Variants in PGM1 observed in about 807,000 individuals in gnomAD.
PGM1 encodes phosphoglucomutase-1.
In PGM1, 52 loss-of-function variants were observed where a neutral mutation model predicts 55.6. The observed-to-expected ratio is 0.94, with a 90% CI of 0.75 to 1.18. The LOEUF (loss-of-function observed/expected upper bound fraction) is 1.18, where lower values mean the gene tolerates loss of function less well. Among genes scored for constraint, PGM1 ranks in the 50% most tolerant of loss-of-function variants. The probability of loss-of-function intolerance (pLI) is 0.00; values close to 1 mark genes in which losing one functional copy is unlikely to be tolerated. For missense variants in PGM1, 724 were observed against 729.3 expected (o/e 0.99, Z 0.08); for synonymous variants, 287 against 271.7 (o/e 1.06, Z -0.55).
At chr1:63,617,657 C>A (rs926507591) in intron 1 of PGM1, among the ~76,000 whole-genome samples, 1 of 144,064 alleles carries the variant, frequency 6.9e-6, no homozygotes, top group Non-Finnish European at 1.5e-5. Flanking sequence ...ATTGCTTGAA[C>A]CTGGAAGGCA....
intron 1 of PGM1, among the ~76,000 whole-genome samples, chr1:63,618,326 C>A (rs1648797093): frequency 6.6e-6 from 1 of 152,180 alleles, no homozygotes; most frequent in African/African-American, 2.4e-5. Flanking sequence ...TCCAAGTTTT[C>A]TGGAATGTTC....
intron 1 of PGM1, among the ~76,000 whole-genome samples, chr1:63,609,101 A>G (rs1260837289): frequency 2.0e-5 from 3 of 152,166 alleles, no homozygotes; most frequent in East Asian, 3.9e-4. Context: ...TGGCTGTCCT[A>G]TCCTGCCTCT....
intron 9 of PGM1, 27 bp from the exon 10 acceptor site, chr1:63,654,304 GA>G (rs759432372): frequency 4.3e-6 from 7 of 1,612,696 alleles, no homozygotes; most frequent in South Asian, 2.2e-5. Flanking sequence ...AGCATTTGGG[GA>G]AAAAAATCTC....
At chr1:63,638,566 T>C (rs1570503366) in intron 6 of PGM1, 119 bp from the exon 7 acceptor site, 1 of 769,960 alleles carries the variant, frequency 1.3e-6, no homozygotes, top group South Asian at 1.4e-5. Context: ...GAATTATGTA[T>C]GACTCTGAGC....
chr1:63,637,378 G>A (rs76041890), intron 6 of PGM1, among the ~76,000 whole-genome samples: 14,558 of 152,252 alleles, frequency 0.096, 767 homozygotes, highest in African/African-American at 0.14. Context: ...TGAACCCAGA[G>A]CCTTTGCTCC....
intron 1 of PGM1, among the ~76,000 whole-genome samples, chr1:63,621,906 C>T (rs560524086): frequency 2.0e-5 from 3 of 152,228 alleles, no homozygotes; most frequent in Non-Finnish European, 2.9e-5. Flanking sequence ...CGGAACACAG[C>T]GGCATTCTTG....
Position 63,648,510 on chromosome 1 carries a change from C to T in PGM1, c.1145-7C>T, listed in dbSNP as rs72922609. The T allele has an allele frequency of 5.0e-6, 8 of 1,613,920 alleles. No homozygotes were observed. Among genetic ancestry groups the T allele is most frequent in the Middle Eastern group, 1.6e-4 (1 of 6,082 alleles). ...TTTCTTACAGCAGCTTGCTGTCCCC[C>T]CTCCAGGTTCTGACCACATCCGTGA... is the stretch of plus-strand genomic sequence containing the variant. On this transcript the variant is annotated splice_polypyrimidine_tract_variant and splice_region_variant and intron_variant, in intron 7 of 10. Transcript: ENST00000371084.
At chr1:63,632,395 G>A (rs996416499) in intron 4 of PGM1, among the ~76,000 whole-genome samples, 20 of 152,156 alleles carry the variant, frequency 1.3e-4, no homozygotes, top group Admixed American at 7.9e-4. Context: ...CTGCCTGGTT[G>A]GAGAAGCCTT....
intron 10 of PGM1, 61 bp downstream of exon 10, chr1:63,654,527 T>C (rs761024006): frequency 5.0e-5 from 78 of 1,575,128 alleles, no homozygotes; most frequent in Middle Eastern, 1.8e-4. Context: ...TAGTTTCCCA[T>C]TGAGCCTGTG....
chr1:63,614,226 G>A (rs753745737), intron 1 of PGM1, among the ~76,000 whole-genome samples: 23 of 152,206 alleles, frequency 1.5e-4, no homozygotes, highest in Non-Finnish European at 2.4e-4. Flanking sequence ...TAAGTGATTC[G>A]CCCAAGATCT....
chr1:63,634,639 C>A (rs1430663235), intron 4 of PGM1, among the ~76,000 whole-genome samples, 190 bp from the exon 5 acceptor site: 1 of 152,274 alleles, frequency 6.6e-6, no homozygotes, highest in South Asian at 2.1e-4. Context: ...TCTCATTGTT[C>A]CTTTTTAGAG....
At chr1:63,639,477 C>G (rs1649457276) in intron 7 of PGM1, among the ~76,000 whole-genome samples, 1 of 151,872 alleles carries the variant, frequency 6.6e-6, no homozygotes. Flanking sequence ...GACCCGAACT[C>G]CCACCTCCTT....
Position 63,622,393 on chromosome 1 carries a change from G to T in PGM1, c.247-7032G>T, listed in dbSNP as rs148138096. ...TCAGGGATCAAATGGAATTAGATAT[G>T]AAATTTATTTAGGTAAAATATTTTT... On this transcript the variant is annotated intron_variant, in intron 1 of 10. Coordinates refer to ENST00000371084, the MANE Select transcript of PGM1 (RefSeq NM_002633.3). 8.1e-4 allele frequency among the ~76,000 whole-genome samples: 124 copies of T among 152,234 alleles called. 1 individual carries two copies. In the Middle Eastern group the frequency reaches 0.017, roughly 21 times the overall value.
chr1:63,630,204 A>C, intron 3 of PGM1, 116 bp downstream of exon 3: 1 of 1,045,760 alleles, frequency 9.6e-7, no homozygotes. Flanking sequence ...AGTGCTCTGT[A>C]AGCTTTGCAA....
chr1:63,601,950 T>C (rs1648255407), intron 1 of PGM1, among the ~76,000 whole-genome samples: 1 of 152,152 alleles, frequency 6.6e-6, no homozygotes, highest in African/African-American at 2.4e-5. Flanking sequence ...ACTTGGAAAA[T>C]TATGTTTTCA....
At chr1:63,628,765 T>C (rs1323649748) in intron 1 of PGM1, among the ~76,000 whole-genome samples, 1 of 152,138 alleles carries the variant, frequency 6.6e-6, no homozygotes, top group African/African-American at 2.4e-5. Context: ...CTGTCGCCCT[T>C]TCATGTAGGT....
In PGM1 at chr1:63,593,477, C is replaced by T; in HGVS notation, c.-12C>T. 6.2e-7 allele frequency: 1 copy of T among 1,613,588 alleles called. No homozygotes were observed. The highest frequency in any genetic ancestry group is 8.5e-7 in the Non-Finnish European group (1 of 1,179,892). ...AGTCCGCCGCTCTGACCCCCGGCAG[C>T]AAGTCGCCACCATGGTGAAGATCGT... On this transcript the variant is annotated 5_prime_UTR_variant, in exon 1 of 11. Transcript: ENST00000371084.
At chr1:63,627,011 A>G (rs927667163) in intron 1 of PGM1, among the ~76,000 whole-genome samples, 4 of 150,896 alleles carry the variant, frequency 2.7e-5, no homozygotes, top group African/African-American at 9.8e-5. Flanking sequence ...TTCACTTAGC[A>G]TAATGTCCTC....
intron 1 of PGM1, among the ~76,000 whole-genome samples, chr1:63,615,550 C>CTTTTTTTTTTTTTTTTTTTTTTTT (rs1161161385): frequency 3.2e-5 from 2 of 62,976 alleles, no homozygotes; most frequent in African/African-American, 1.3e-4. Flanking sequence ...TCTTCTTCTT[C>CTTTTTTTTTTTTTTTTTTTTTTTT]TTTTTTTTTT....
Sources: allele counts gnomAD v4.1 joint callset (sites outside exome capture counted in the v4.1 genomes callset), GRCh38; gene constraint gnomAD v4.1.1; transcripts MANE v1.5; gene names NCBI Gene and HGNC (gene_info 2026-07-23, HGNC 2026-07-21).